Variants in DGKZ observed in about 807,000 individuals in gnomAD.
The protein encoded by DGKZ is DAG kinase zeta.
A neutral mutation model predicts 142.5 loss-of-function variants in DGKZ; 45 were observed. The ratio of observed to expected loss-of-function variants is 0.32; its 90% CI spans 0.25 to 0.40. DGKZ has a LOEUF of 0.40. DGKZ is among the 10% of genes least tolerant of loss of function. DGKZ has a pLI of 1.00. For synonymous variants in DGKZ, 442 were observed against 527.0 expected (o/e 0.84, Z 2.21); for missense variants, 755 against 1,306.5 (o/e 0.58, Z 6.51).
intron 1 of DGKZ, among the ~76,000 whole-genome samples, chr11:46,353,055 A>C (rs1941604426): frequency 6.6e-6 from 1 of 152,180 alleles, no homozygotes; most frequent in South Asian, 2.1e-4. Context: ...GAGGGGAGGG[A>C]GAGGCTGAAG....
intron 1 of DGKZ, among the ~76,000 whole-genome samples, chr11:46,364,114 C>A (rs1469022958): frequency 2.0e-5 from 3 of 152,218 alleles, no homozygotes; most frequent in African/African-American, 4.8e-5. Flanking sequence ...CTTTCCTACC[C>A]CATCCCAGCC....
Position 46,355,388 on chromosome 11 carries a change from A to G in DGKZ, c.161+7568A>G, listed in dbSNP as rs147918493. On this transcript the variant is annotated intron_variant, in intron 1 of 30. Transcript: ENST00000527911. ...CTCCCAAAGTGCTGGGATTACAGGC[A>G]TGAGCCACCGCGCCCGGCTATTTTC... Among the ~76,000 whole-genome samples, 559 of 152,232 alleles carry G rather than the reference A, an allele frequency of 3.7e-3. 2 individuals are homozygous for G. Among genetic ancestry groups the G allele is most frequent in the African/African-American group, 9.3e-3 (385 of 41,550 alleles).
At chr11:46,377,244 T>C in intron 25 of DGKZ, 32 bp downstream of exon 25, 1 of 1,540,328 alleles carries the variant, frequency 6.5e-7, no homozygotes, top group Admixed American at 2.0e-5. Context: ...CTCCAGCCCC[T>C]GGCTTTCAGC....
upstream of DGKZ, among the ~76,000 whole-genome samples, chr11:46,344,925 C>T (rs569538922): frequency 7.6e-4 from 115 of 152,302 alleles, no homozygotes; most frequent in Middle Eastern, 6.8e-3. Context: ...CAGAACAGGA[C>T]ACATGCTCAT....
intron 1 of DGKZ, among the ~76,000 whole-genome samples, chr11:46,337,895 G>A (rs1940090410): frequency 3.3e-5 from 5 of 152,192 alleles, no homozygotes. Context: ...AGGGCCTCTA[G>A]GAAGAACCAG....
chr11:46,362,697 A>G (rs1942804884), intron 1 of DGKZ, among the ~76,000 whole-genome samples: 3 of 152,180 alleles, frequency 2.0e-5, no homozygotes, highest in Non-Finnish European at 4.4e-5. Context: ...CAGGATGCCA[A>G]CGCCCTTGAA....
At chr11:46,379,346 TCCCCTGGGCCA>T in intron 29 of DGKZ, 110 bp downstream of exon 29, 1 of 1,574,232 alleles carries the variant, frequency 6.4e-7, no homozygotes, top group Non-Finnish European at 8.7e-7. Context: ...ACATCTGTCA[TCCCCTGGGCCA>T]CCCCTATTGC....
At chr11:46,363,009 G>A (rs117190139) in intron 1 of DGKZ, among the ~76,000 whole-genome samples, 2,557 of 152,304 alleles carry the variant, frequency 0.017, 27 homozygotes, top group Non-Finnish European at 0.025. Context: ...CTCCCCACCC[G>A]GAGACCGAGG....
At position 46,372,511 on chromosome 11, in the gene DGKZ, G is replaced by A. The variant is rs1225470420; in HGVS notation, c.1010+1G>A. Reference sequence around the variant, plus strand: ...TGAGCCAGGGAGGGCCCAAGGAGGCGTAAGTACTTGCCAAGGTTTTGTGGG... The same window carrying A: ...TGAGCCAGGGAGGGCCCAAGGAGGCATAAGTACTTGCCAAGGTTTTGTGGG... On this transcript the variant is annotated splice_donor_variant, in intron 11 of 30. Coordinates refer to ENST00000527911, the Ensembl canonical transcript of DGKZ. LOFTEE classifies it high-confidence loss of function. The surrounding 1 kb of genome is among the most constrained non-coding windows in gnomAD (Gnocchi z 5.9). The A allele has an allele frequency of 2.5e-6, 4 of 1,614,014 alleles. No homozygotes were observed. The highest frequency in any genetic ancestry group is 2.2e-5 in the East Asian group (1 of 44,884).
intron 25 of DGKZ, chr11:46,377,921 C>T: frequency 3.7e-6 from 2 of 536,124 alleles, no homozygotes; most frequent in Non-Finnish European, 6.7e-6. Context: ...AGGGGTGCCA[C>T]ATCACCTGTT....
chr11:46,379,206 C>T, exon 29 of DGKZ: 1 of 1,613,096 alleles, frequency 6.2e-7, no homozygotes, highest in Non-Finnish European at 8.5e-7. Context: ...TCTCCAGCCC[C>T]CCCAGAGATC....
chr11:46,356,495 G>T (rs1942037072), intron 1 of DGKZ, among the ~76,000 whole-genome samples: 1 of 152,224 alleles, frequency 6.6e-6, no homozygotes, highest in South Asian at 2.1e-4. Context: ...CTCACAGCCT[G>T]TCCGGGGATG....
chr11:46,364,485 G>T, intron 1 of DGKZ: 1 of 1,248,518 alleles, frequency 8.0e-7, no homozygotes, highest in South Asian at 1.4e-5. Flanking sequence ...CTTTGAGTGG[G>T]GCACTATTTG....
At chr11:46,352,126 GC>G (rs1223047849) in intron 1 of DGKZ, among the ~76,000 whole-genome samples, 1 of 152,144 alleles carries the variant, frequency 6.6e-6, no homozygotes, top group Non-Finnish European at 1.5e-5. Context: ...TTCGCCAGTG[GC>G]CCCCCCGGGG....
Position 46,372,038 on chromosome 11 carries a change from C to T in DGKZ, c.832-37C>T, listed in dbSNP as rs753677595. The T allele has an allele frequency of 1.3e-5, 21 of 1,564,790 alleles. No homozygotes were observed. Among genetic ancestry groups the T allele is most frequent in the Admixed American group, 3.6e-5 (2 of 55,968 alleles). ...AAGGATGATGGTAGGGTGTCCTGGA[C>T]GGGAAGGAGCTTACAGCCTCTCACC... On this transcript the variant is annotated intron_variant, in intron 9 of 30. Transcript: ENST00000527911. The surrounding 1 kb of genome is among the most constrained non-coding windows in gnomAD (Gnocchi z 5.9).
intron 1 of DGKZ, chr11:46,366,486 CTG>C (rs1943272152): frequency 6.3e-7 from 1 of 1,577,614 alleles, no homozygotes; most frequent in Non-Finnish European, 8.6e-7. Context: ...CGCTCCAGCA[CTG>C]TGCCCCCTTC....
intron 1 of DGKZ, among the ~76,000 whole-genome samples, chr11:46,357,557 C>T (rs1942173786): frequency 6.6e-6 from 1 of 152,258 alleles, no homozygotes; most frequent in Non-Finnish European, 1.5e-5. Flanking sequence ...CCTTAAGGTG[C>T]TGGCCCCTCC....
chr11:46,367,206 C>G lies in DGKZ; in HGVS notation c.162-85C>G. 7.3e-7 allele frequency: 1 copy of G among 1,377,690 alleles called. No homozygotes were observed. Among genetic ancestry groups the G allele is most frequent in the South Asian group, 1.2e-5 (1 of 80,592 alleles). The allele number at this position is 1,377,690 out of a possible 1,614,324, so 85.3% of individuals were successfully genotyped here. A position where few individuals can be genotyped will look rare whatever the true frequency, so the allele number is the denominator to read the frequency against. ...TCCGCCCTCCCTGTTGCCGAGGTCA[C>G]GGAAAGGGCAGAGGCCCCAGGAGGT... On this transcript the variant is annotated intron_variant, in intron 1 of 30. Coordinates refer to ENST00000527911, the Ensembl canonical transcript of DGKZ. This position sits in a 1 kb window ranked among gnomAD's most constrained non-coding sequence, Gnocchi z 4.1.
At chr11:46,339,643 C>G (rs916349011) in intron 1 of DGKZ, among the ~76,000 whole-genome samples, 4 of 152,220 alleles carry the variant, frequency 2.6e-5, no homozygotes, top group Non-Finnish European at 5.9e-5. Context: ...CCCCCAGTCC[C>G]CGCACCAAGG....
Sources: allele counts gnomAD v4.1 joint callset (sites outside exome capture counted in the v4.1 genomes callset), GRCh38; gene constraint gnomAD v4.1.1; non-coding constraint Gnocchi (gnomAD v3.1); transcripts MANE v1.5; gene names NCBI Gene and HGNC (gene_info 2026-07-23, HGNC 2026-07-21).